Variants in CHSY3 observed in about 807,000 individuals in gnomAD.
The protein encoded by CHSY3 is N-acetylgalactosaminyl-proteoglycan 3-beta-glucuronosyltransferase 3.
In CHSY3, 35 loss-of-function variants were observed where a neutral mutation model predicts 67.2. That is an observed-to-expected ratio of 0.52 (90% CI 0.40 to 0.69). CHSY3 has a LOEUF of 0.69. Ranked by LOEUF, CHSY3 falls within the 30% of genes least tolerant of loss-of-function variation. CHSY3 has a pLI of 0.00. For missense variants in CHSY3, 1,069 were observed against 1,138.5 expected (o/e 0.94, Z 0.88); for synonymous variants, 474 against 434.7 (o/e 1.09, Z -1.12).
chr5:129,939,758 C>CT (rs1761639588), intron 2 of CHSY3, among the ~76,000 whole-genome samples: 1 of 152,254 alleles, frequency 6.6e-6, no homozygotes, highest in Non-Finnish European at 1.5e-5. Context: ...GTGCTCATAG[C>CT]TTTTTCATGC....
intron 2 of CHSY3, among the ~76,000 whole-genome samples, chr5:130,177,813 T>C (rs1770101553): frequency 6.6e-6 from 1 of 152,134 alleles, no homozygotes; most frequent in Non-Finnish European, 1.5e-5. Flanking sequence ...TGTGGAAATT[T>C]TCTTGAATTA....
chr5:130,050,842 A>G (rs970895180), intron 2 of CHSY3, among the ~76,000 whole-genome samples: 2 of 152,148 alleles, frequency 1.3e-5, no homozygotes, highest in African/African-American at 4.8e-5. Context: ...ACATTCAGCT[A>G]CACATGAAAC....
chr5:129,969,375 C>T (rs2149612666), intron 2 of CHSY3, among the ~76,000 whole-genome samples: 1 of 151,932 alleles, frequency 6.6e-6, no homozygotes, highest in South Asian at 2.1e-4. Context: ...TAATATTAAG[C>T]ATTACTTAAT....
chr5:129,968,775 T>C (rs1762539382), intron 2 of CHSY3, among the ~76,000 whole-genome samples: 1 of 151,828 alleles, frequency 6.6e-6, no homozygotes, highest in African/African-American at 2.4e-5. Flanking sequence ...ACACTTTTCT[T>C]CTTAAGATTA....
chr5:129,927,312 CATT>C (rs1281442736), intron 2 of CHSY3, among the ~76,000 whole-genome samples: 1 of 151,890 alleles, frequency 6.6e-6, no homozygotes, highest in Non-Finnish European at 1.5e-5. Flanking sequence ...TTCTTGGACA[CATT>C]ATGAATTTCA....
At chr5:130,085,301 G>A (rs1766578591) in intron 2 of CHSY3, among the ~76,000 whole-genome samples, 1 of 151,992 alleles carries the variant, frequency 6.6e-6, no homozygotes, top group South Asian at 2.1e-4. Flanking sequence ...ATAATGATAT[G>A]AATATGAGAT....
intron 2 of CHSY3, among the ~76,000 whole-genome samples, chr5:130,119,179 C>T (rs62393177): frequency 6.6e-5 from 10 of 152,046 alleles, no homozygotes; most frequent in South Asian, 4.1e-4. Context: ...ATAGTAGGCC[C>T]GAGGTTGCAT....
At chr5:130,166,171 A>G (rs1220992622) in intron 2 of CHSY3, among the ~76,000 whole-genome samples, 4 of 152,140 alleles carry the variant, frequency 2.6e-5, no homozygotes, top group Admixed American at 2.6e-4. Flanking sequence ...TTGCCTTAGC[A>G]TCTTATATCT....
chr5:130,038,629 C>G (rs1358569899), intron 2 of CHSY3, among the ~76,000 whole-genome samples: 2 of 152,106 alleles, frequency 1.3e-5, no homozygotes, highest in Non-Finnish European at 2.9e-5. Context: ...GGAATTTCCA[C>G]TTTCCTCTCC....
chr5:130,088,611 A>C (rs1766757778), intron 2 of CHSY3, among the ~76,000 whole-genome samples: 1 of 152,216 alleles, frequency 6.6e-6, no homozygotes, highest in Admixed American at 6.5e-5. Context: ...GCCAAAAAAC[A>C]CATGAAAAAA....
chr5:129,907,039 A>C (rs186684874), intron 1 of CHSY3, among the ~76,000 whole-genome samples: 257 of 152,336 alleles, frequency 1.7e-3, no homozygotes, highest in African/African-American at 6.0e-3. Flanking sequence ...AGTGGTATTT[A>C]GGATTGACTC....
chr5:130,115,984 G>A (rs965063003), intron 2 of CHSY3, among the ~76,000 whole-genome samples: 1 of 152,052 alleles, frequency 6.6e-6, no homozygotes, highest in Non-Finnish European at 1.5e-5. Context: ...CTCACCACAC[G>A]GATCACACAG....
chr5:130,051,742 C>G (rs528472028), intron 2 of CHSY3, among the ~76,000 whole-genome samples: 80 of 152,030 alleles, frequency 5.3e-4, no homozygotes, highest in African/African-American at 1.9e-3. Flanking sequence ...AGATGAAATG[C>G]AAAACAAGTG....
intron 2 of CHSY3, among the ~76,000 whole-genome samples, chr5:130,093,751 T>C (rs897775738): frequency 2.0e-5 from 3 of 152,152 alleles, no homozygotes; most frequent in Admixed American, 2.0e-4. Context: ...AGCATCTTCT[T>C]AAGAATGGGC....
chr5:130,143,663 G>A lies in CHSY3; in HGVS notation c.1087-40566G>A, dbSNP rs570748291. ...TGAACATGTCTTTTGGTGAACATAT[G>A]TACATTTATTTGACATACCAAGGAG... On this transcript the variant is annotated intron_variant, in intron 2 of 2. Transcript: ENST00000305031. Among the ~76,000 whole-genome samples, 152 of 146,098 alleles carry A rather than the reference G, an allele frequency of 1.0e-3. No homozygotes were observed. The Middle Eastern group carries it at 0.011, about 11-fold the overall frequency.
chr5:130,115,431 T>G (rs960625892), intron 2 of CHSY3, among the ~76,000 whole-genome samples: 6 of 152,228 alleles, frequency 3.9e-5, no homozygotes, highest in African/African-American at 1.4e-4. Flanking sequence ...CGTTTTCTAA[T>G]GTTTTTACTT....
At chr5:130,042,990 G>T (rs1174544668) in intron 2 of CHSY3, among the ~76,000 whole-genome samples, 1 of 152,134 alleles carries the variant, frequency 6.6e-6, no homozygotes, top group Admixed American at 6.6e-5. Flanking sequence ...TAAGTAATTG[G>T]CCTCAGATAG....
At chr5:130,044,835 C>T (rs1350450777) in intron 2 of CHSY3, among the ~76,000 whole-genome samples, 1 of 151,972 alleles carries the variant, frequency 6.6e-6, no homozygotes, top group Admixed American at 6.6e-5. Flanking sequence ...GTGGGTCATT[C>T]CCCGGATGCT....
intron 2 of CHSY3, among the ~76,000 whole-genome samples, chr5:130,130,387 A>T (rs1332877376): frequency 2.0e-5 from 3 of 152,166 alleles, no homozygotes; most frequent in Non-Finnish European, 4.4e-5. Flanking sequence ...TATATCTGGA[A>T]TTCTGATCTC....
Sources: gnomAD v4.1 joint callset for allele counts (sites outside exome capture counted in the v4.1 genomes callset) on GRCh38, gnomAD v4.1.1 for gene constraint, MANE v1.5 for transcripts, NCBI Gene and HGNC (gene_info 2026-07-23, HGNC 2026-07-21) for gene names.